RANBP3: variants seen among roughly 807,000 people sequenced by gnomAD.
RANBP3 encodes the protein RAN binding protein 3, also known as ran-binding protein 3.
A neutral mutation model predicts 77.3 loss-of-function variants in RANBP3; 14 were observed. That is an observed-to-expected ratio of 0.18 (90% CI 0.12 to 0.28). RANBP3 has a LOEUF of 0.28. RANBP3 is among the 10% of genes least tolerant of loss of function. The pLI is 1.00. For synonymous variants in RANBP3, 315 were observed against 312.4 expected, an observed-to-expected ratio of 1.01 and a Z score of -0.09; for missense variants, 586 against 752.3, an observed-to-expected ratio of 0.78 and a Z score of 2.59.
chr19:5,937,877 A>ATCTGGCT (rs1217595870), intron 5 of RANBP3, among the ~76,000 whole-genome samples: 1 of 152,128 alleles, frequency 6.6e-6, no homozygotes, highest in Admixed American at 6.5e-5. Flanking sequence ...CAGCAGCACA[A>ATCTGGCT]ATGGGTCCAG....
chr19:5,947,724 T>C (rs564409722), intron 3 of RANBP3, among the ~76,000 whole-genome samples: 1 of 152,112 alleles, frequency 6.6e-6, no homozygotes, highest in Non-Finnish European at 1.5e-5. Flanking sequence ...TGAGTGCTGA[T>C]CATGTGCCCC....
intron 3 of RANBP3, among the ~76,000 whole-genome samples, chr19:5,948,816 G>C (rs1230178215): frequency 6.6e-6 from 1 of 152,056 alleles, no homozygotes; most frequent in Admixed American, 6.5e-5. Flanking sequence ...TCTGAAGCTC[G>C]GCAGGTCCTT....
At chr19:5,972,291 A>T (rs2058539613) in intron 1 of RANBP3, among the ~76,000 whole-genome samples, 1 of 152,232 alleles carries the variant, frequency 6.6e-6, no homozygotes, top group South Asian at 2.1e-4. Flanking sequence ...AAGCCCATCC[A>T]GGGCTGAGAT....
At chr19:5,966,221 A>G (rs113774422) in intron 1 of RANBP3, among the ~76,000 whole-genome samples, 3,813 of 152,300 alleles carry the variant, frequency 0.025, 156 homozygotes, top group African/African-American at 0.086. Flanking sequence ...ATAAGCACCT[A>G]TGGAGGAGCA....
chr19:5,940,074 G>A (rs1273096064), intron 5 of RANBP3, among the ~76,000 whole-genome samples: 3 of 152,214 alleles, frequency 2.0e-5, no homozygotes, highest in East Asian at 1.9e-4. Flanking sequence ...CTCACTCTAC[G>A]CAGAATGGAA....
intron 5 of RANBP3, among the ~76,000 whole-genome samples, chr19:5,937,746 CG>C (rs766118136): frequency 5.7e-4 from 83 of 144,522 alleles, no homozygotes; most frequent in South Asian, 1.9e-3. Flanking sequence ...CATGCCGCGT[CG>C]GGGCCTGCGA....
intron 3 of RANBP3, among the ~76,000 whole-genome samples, chr19:5,948,686 A>G (rs1042259577): frequency 4.6e-5 from 7 of 152,130 alleles, no homozygotes; most frequent in African/African-American, 1.7e-4. Context: ...GTGGCTTCCA[A>G]AGTTGAGGGG....
chr19:5,947,148 T>C (rs2058215555), intron 3 of RANBP3, among the ~76,000 whole-genome samples: 1 of 151,786 alleles, frequency 6.6e-6, no homozygotes, highest in Non-Finnish European at 1.5e-5. Flanking sequence ...ACCCCGTCTC[T>C]ACTAAAAATA....
chr19:5,924,728 A>G lies in RANBP3; in HGVS notation c.996+99T>C. The G allele has an allele frequency of 8.1e-7, 1 of 1,238,986 alleles. No individual in the cohort carries two copies. Among genetic ancestry groups the G allele is most frequent in the South Asian group, 1.2e-5 (1 of 83,130 alleles). The allele number at this position is 1,238,986 out of a possible 1,614,324, so 76.7% of individuals were successfully genotyped here. On this transcript the variant is annotated intron_variant, in intron 11 of 16. Transcript: ENST00000340578. This position sits in a 1 kb window ranked among gnomAD's most constrained non-coding sequence, Gnocchi z 4.7. Reference sequence around the variant, plus strand: ...GCTACTGAAGGCATCCCCATCTCACATAGGACGACACAGCAGCCCTGCTCT... The same window carrying G: ...GCTACTGAAGGCATCCCCATCTCACGTAGGACGACACAGCAGCCCTGCTCT...
chr19:5,949,242 T>C (rs948778008), intron 3 of RANBP3, among the ~76,000 whole-genome samples: 2 of 152,166 alleles, frequency 1.3e-5, no homozygotes, highest in Non-Finnish European at 2.9e-5. Context: ...ACGAAAACGG[T>C]CTGAGTTCAC....
Position 5,933,428 on chromosome 19 carries a change from T to C in RANBP3, c.458A>G (p.Gln153Arg). 6.2e-7 allele frequency: 1 copy of C among 1,613,186 alleles called. No homozygotes were observed. The highest frequency in any genetic ancestry group is 8.5e-7 in the Non-Finnish European group (1 of 1,179,780). ...RLKPPTLIHGQAPSAGLPSQK... is the reference protein window; with the variant it reads ...RLKPPTLIHGRAPSAGLPSQK... Reference sequence around the variant, plus strand: ...AGACGACCTACCTGCGCTGGGGGCTTGGCCGTGGATCAGCGTTGGTGGCTT... The same window carrying C: ...AGACGACCTACCTGCGCTGGGGGCTCGGCCGTGGATCAGCGTTGGTGGCTT... The change falls in exon 6 of 17, where the codon CAA (glutamine) becomes CGA (arginine). Residue 153 changes from glutamine to arginine, a missense_variant. Transcript: ENST00000340578.
At chr19:5,920,253 T>C (rs1389805230) in intron 14 of RANBP3, among the ~76,000 whole-genome samples, 1 of 152,024 alleles carries the variant, frequency 6.6e-6, no homozygotes, top group Non-Finnish European at 1.5e-5. Context: ...ATAAAAACAT[T>C]AGCCAGACGT....
intron 1 of RANBP3, among the ~76,000 whole-genome samples, chr19:5,965,085 G>T (rs189573403): frequency 4.7e-4 from 72 of 152,230 alleles, no homozygotes; most frequent in African/African-American, 1.5e-3. Flanking sequence ...GCTTCCTCCT[G>T]ACCCTAGAGG....
rs1025700159 is a variant in RANBP3 at position 5,925,549 on chromosome 19, G to A, written c.917+85C>T. On this transcript the variant is annotated intron_variant, in intron 10 of 16. Coordinates refer to ENST00000340578, the MANE Select transcript of RANBP3 (RefSeq NM_007322.3). Reference sequence around the variant, plus strand: ...GGATTCTGGGCCTGAGTCGGGCACGGGGACCACAGACCCCTCTCTGGCAGA... The same window carrying A: ...GGATTCTGGGCCTGAGTCGGGCACGAGGACCACAGACCCCTCTCTGGCAGA... 58 of 1,206,876 alleles carry A rather than the reference G, an allele frequency of 4.8e-5. No individual in the cohort carries two copies. The African/African-American group carries it at 8.2e-4, about 17-fold the overall frequency. The allele number at this position is 1,206,876 out of a possible 1,614,324, so 74.8% of individuals were successfully genotyped here.
At chr19:5,963,872 C>T (rs1280572275) in intron 1 of RANBP3, among the ~76,000 whole-genome samples, 1 of 152,182 alleles carries the variant, frequency 6.6e-6, no homozygotes, top group Non-Finnish European at 1.5e-5. Context: ...CATCTAGCAT[C>T]CTCTACCCTG....
chr19:5,955,479 C>T (rs999017164), intron 2 of RANBP3, among the ~76,000 whole-genome samples: 1 of 152,224 alleles, frequency 6.6e-6, no homozygotes, highest in Non-Finnish European at 1.5e-5. Context: ...TTGGCATAGA[C>T]CCCTTGAAGG....
chr19:5,943,136 G>A (rs917418226), intron 3 of RANBP3, among the ~76,000 whole-genome samples: 2 of 152,218 alleles, frequency 1.3e-5, no homozygotes, highest in African/African-American at 4.8e-5. Context: ...CGATGAGTGA[G>A]GGCCGCTCCT....
chr19:5,931,560 A>G, intron 7 of RANBP3, 29 bp from the exon 8 acceptor site: 1 of 1,589,032 alleles, frequency 6.3e-7, no homozygotes, highest in East Asian at 2.3e-5. Flanking sequence ...GTGGGGAATC[A>G]CAGGTGCTTG....
At chr19:5,969,862 G>A (rs982355205) in intron 1 of RANBP3, among the ~76,000 whole-genome samples, 14 of 152,256 alleles carry the variant, frequency 9.2e-5, no homozygotes, top group African/African-American at 2.9e-4. Flanking sequence ...CCTGAAGAGG[G>A]ATATGATGTC....
Sources: allele counts gnomAD v4.1 joint callset (sites outside exome capture counted in the v4.1 genomes callset), GRCh38; gene constraint gnomAD v4.1.1; non-coding constraint Gnocchi (gnomAD v3.1); transcripts MANE v1.5; gene names NCBI Gene and HGNC (gene_info 2026-07-23, HGNC 2026-07-21).